STARD9: variants seen among roughly 807,000 people sequenced by gnomAD.
STARD9 encodes the protein stAR-related lipid transfer protein 9.
In STARD9, 346 loss-of-function variants were observed where a neutral mutation model predicts 399.8. The observed-to-expected ratio is 0.87, with a 90% CI of 0.79 to 0.95. STARD9 has a LOEUF of 0.95. Among genes scored for constraint, STARD9 ranks in the 40% least tolerant of loss-of-function variants. The pLI is 0.00. For synonymous variants in STARD9, 2,203 were observed against 2,143.5 expected (o/e 1.03, Z -0.77); for missense variants, 5,832 against 5,667.5 (o/e 1.03, Z -0.93).
chr15:42,692,512 T>G lies in STARD9; in HGVS notation c.10934T>G (p.Leu3645Arg). The change falls in exon 23 of 33, where the codon CTC (leucine) becomes CGC (arginine). Residue 3645 changes from leucine (L) to arginine (R), a missense_variant. Physicochemically the swap from Leu to Arg is moderately radical, Grantham distance 102. Coordinates refer to ENST00000290607, the MANE Select transcript of STARD9 (RefSeq NM_020759.3). ...ACATTCGAACAGGGCACACAGACCC[T>G]CGGCAGCAGGCGCCACTGGAGCAGC... ...TNTFEQGTQT[L>R]GSRRHWSSTD... 6.5e-7 allele frequency: 1 copy of G among 1,537,112 alleles called. No individual in the cohort carries two copies. The highest frequency in any genetic ancestry group is 1.2e-5 in the South Asian group (1 of 84,058).
In STARD9 at chr15:42,686,455, A is replaced by G. The variant is rs1440077908; in HGVS notation, c.4877A>G (p.Gln1626Arg). ...DSMTEACEVK[Q>R]NNLEECLQSC... ...ATGACAGAAGCATGTGAAGTCAAGC[A>G]GAACAACTTGGAAGAATGCCTTCAG... The change falls in exon 23 of 33, where the codon CAG (glutamine) becomes CGG (arginine). Residue 1626 changes from glutamine (Q) to arginine (R), a missense_variant. Around this residue, in one of 2 missense-constraint regions of STARD9, gnomAD observed 5,828 missense variants for 5,651.1 expected, o/e 1.03. Transcript: ENST00000290607. The G allele has an allele frequency of 1.3e-6, 2 of 1,537,748 alleles. No homozygotes were observed. Among genetic ancestry groups the G allele is most frequent in the Non-Finnish European group, 8.7e-7 (1 of 1,147,060 alleles).
chr15:42,694,760 T>A, intron 24 of STARD9, 35 bp downstream of exon 24: 2 of 1,523,384 alleles, frequency 1.3e-6, no homozygotes, highest in South Asian at 2.4e-5. Flanking sequence ...GGGAGCAGGC[T>A]CTGTTGGGGG....
rs2141661072 is a variant in STARD9 at position 42,583,335 on chromosome 15, C to G, written c.48-11C>G. ...AACAACATTTCTTCTGAGCTTGGGT[C>G]TTGTTTCTAGGGAGACCAAAGAAGG... On this transcript the variant is annotated splice_polypyrimidine_tract_variant and intron_variant, in intron 1 of 32. Coordinates refer to ENST00000290607, the MANE Select transcript of STARD9 (RefSeq NM_020759.3). 6.5e-7 allele frequency: 1 copy of G among 1,532,232 alleles called. No homozygotes were observed. The highest frequency in any genetic ancestry group is 2.4e-5 in the East Asian group (1 of 40,884). The allele number at this position is 1,532,232 out of a possible 1,614,324, so 94.9% of individuals were successfully genotyped here. A position where few individuals can be genotyped will look rare whatever the true frequency, so the allele number is the denominator to read the frequency against.
rs2060024824 is a variant in STARD9 at position 42,663,286 on chromosome 15, A to G, written c.874A>G (p.Asn292Asp). The stretch of plus-strand genomic sequence containing the variant: ...TTCTTTTTTCATCTTTTAAGCCCAG[A>G]ACTCCCAAGTTTTCAGCAGCTGCCA... Reference protein sequence around the residue: ...LGIVISTLAQNSQVFSSCQSL... With the variant: ...LGIVISTLAQDSQVFSSCQSL... Residue 292 changes from asparagine (N) to aspartate (D), a missense_variant, in exon 12 of 33, where the codon AAC becomes GAC. Physicochemically the swap from Asn to Asp is conservative, Grantham distance 23. Transcript: ENST00000290607. 3 of 1,530,982 alleles carry G rather than the reference A, an allele frequency of 2.0e-6. No homozygotes were observed. The Admixed American group carries it at 5.9e-5, about 30-fold the overall frequency. 94.8% of individuals were successfully genotyped at this position (1,530,982 alleles called of 1,614,324 possible). A position where few individuals can be genotyped will look rare whatever the true frequency, so the allele number is the denominator to read the frequency against.
chr15:42,693,627 C>T lies in STARD9; in HGVS notation c.12049C>T (p.Pro4017Ser). 6.5e-7 allele frequency: 1 copy of T among 1,537,256 alleles called. No individual in the cohort carries two copies. Among genetic ancestry groups the T allele is most frequent in the Non-Finnish European group, 8.7e-7 (1 of 1,146,910 alleles). The stretch of plus-strand genomic sequence containing the variant: ...TATCGGGGTCCAAAGCAGACTGCTG[C>T]CACCACCACTGAGGCACAGGAGCCA... ...TTIGVQSRLL[P>S]PPLRHRSQRL... The change falls in exon 23 of 33, where the codon CCA becomes TCA. Residue 4017 changes from proline (P) to serine (S), a missense_variant. This residue lies in a region of STARD9 where 5,828 missense variants were observed against 5,651.1 expected (regional missense o/e 1.03). Coordinates refer to ENST00000290607, the MANE Select transcript of STARD9 (RefSeq NM_020759.3).
chr15:42,719,370 C>A, intron 32 of STARD9, 103 bp from the exon 33 acceptor site: 1 of 718,760 alleles, frequency 1.4e-6, no homozygotes, highest in Non-Finnish European at 2.3e-6. Context: ...ATCTGAGGTG[C>A]TTCTCCCATC....
Position 42,689,026 on chromosome 15 carries a change from C to T in STARD9, c.7448C>T (p.Ser2483Phe). ...AGAGTCAGTTCACTGAACAAGGTCT[C>T]TAGCCAGCCTGAAAAGAGGGTCAGC... ...EIRVSSLNKV[S>F]SQPEKRVSFS... The change falls in exon 23 of 33, where the codon TCT becomes TTT. Residue 2483 changes from serine (S) to phenylalanine (F), a missense_variant. Physicochemically the swap from Ser to Phe is radical, Grantham distance 155. Transcript: ENST00000290607. 2 of 1,537,322 alleles carry T rather than the reference C, an allele frequency of 1.3e-6. No homozygotes were observed. The highest frequency in any genetic ancestry group is 2.4e-5 in the South Asian group (2 of 84,056).
rs1373705516 is a variant in STARD9 at position 42,687,847 on chromosome 15, A to C, written c.6269A>C (p.Lys2090Thr). ...TDKELVFQDQ[K>T]EQEKTDHAFR... ...AAGGAGTTGGTGTTCCAGGACCAGA[A>C]GGAGCAGGAGAAGACTGACCATGCC... Residue 2090 changes from lysine to threonine, a missense_variant, in exon 23 of 33, where the codon AAG becomes ACG. Physicochemically the swap from Lys to Thr is moderately conservative, Grantham distance 78. Transcript: ENST00000290607. 1 of 1,537,342 alleles carries C rather than the reference A, an allele frequency of 6.5e-7. No individual in the cohort carries two copies. The highest frequency in any genetic ancestry group is 2.4e-5 in the East Asian group (1 of 40,916).
At chr15:42,636,308 T>G (rs1337885681) in intron 4 of STARD9, among the ~76,000 whole-genome samples, 1 of 151,350 alleles carries the variant, frequency 6.6e-6, no homozygotes, top group Non-Finnish European at 1.5e-5. Flanking sequence ...CTCAGCTGGG[T>G]GGGGTGGCTC....
chr15:42,684,168 A>C lies in STARD9; in HGVS notation c.2590A>C (p.Thr864Pro). 2 of 1,537,172 alleles carry C rather than the reference A, an allele frequency of 1.3e-6. No homozygotes were observed. The highest frequency in any genetic ancestry group is 1.7e-6 in the Non-Finnish European group (2 of 1,146,834). Residue 864 changes from threonine to proline, a missense_variant, in exon 23 of 33, where the codon ACA (threonine) becomes CCA (proline). Physicochemically the swap from Thr to Pro is conservative, Grantham distance 38 (BLOSUM62 -1). Around this residue, in one of 2 missense-constraint regions of STARD9, gnomAD observed 5,828 missense variants for 5,651.1 expected, o/e 1.03. Transcript: ENST00000290607. ...CACATTGCCACCTAGGCCTGACCCT[A>C]CACACCAAACATCAGAGAAAACATC... Reference protein sequence around the residue: ...STTLPPRPDPTHQTSEKTSSE... With the variant: ...STTLPPRPDPPHQTSEKTSSE...
intron 10 of STARD9, among the ~76,000 whole-genome samples, chr15:42,661,542 T>G (rs1323324954): frequency 1.3e-5 from 2 of 152,090 alleles, no homozygotes; most frequent in African/African-American, 4.8e-5. Context: ...ACTACTGGGC[T>G]CAAGTGACCC....
intron 3 of STARD9, among the ~76,000 whole-genome samples, chr15:42,627,633 ACT>A (rs1398394953): frequency 2.6e-5 from 4 of 151,432 alleles, no homozygotes; most frequent in African/African-American, 9.7e-5. Flanking sequence ...CCATCATTCT[ACT>A]CTCTGTTTTC....
chr15:42,659,761 T>A (rs1337345198), intron 9 of STARD9, among the ~76,000 whole-genome samples: 1 of 152,144 alleles, frequency 6.6e-6, no homozygotes, highest in Non-Finnish European at 1.5e-5. Flanking sequence ...CCTGACCTCA[T>A]GATCCACCTG....
At chr15:42,719,242 C>G (rs543169807) in intron 32 of STARD9, among the ~76,000 whole-genome samples, 3 of 152,276 alleles carry the variant, frequency 2.0e-5, no homozygotes, top group African/African-American at 7.2e-5. Flanking sequence ...GGAATGATGA[C>G]CTGTTGGGTT....
At chr15:42,644,178 G>A (rs939037577) in intron 7 of STARD9, among the ~76,000 whole-genome samples, 1 of 152,166 alleles carries the variant, frequency 6.6e-6, no homozygotes, top group Non-Finnish European at 1.5e-5. Flanking sequence ...TATTAAGTAC[G>A]AAGTAGCATT....
intron 4 of STARD9, among the ~76,000 whole-genome samples, chr15:42,637,606 T>C (rs751640239): frequency 6.6e-6 from 1 of 152,234 alleles, no homozygotes; most frequent in Admixed American, 6.5e-5. Flanking sequence ...AGTGTTTTTA[T>C]CCAAGAATAA....
rs2060755691 is a variant in STARD9, at chr15:42,693,185, C to G, written c.11607C>G (p.Leu3869=). 1 of 1,537,144 alleles carries G rather than the reference C, an allele frequency of 6.5e-7. No individual in the cohort carries two copies. The highest frequency in any genetic ancestry group is 2.4e-5 in the East Asian group (1 of 40,906). Residue 3869 remains leucine, a synonymous_variant, in exon 23 of 33, where the codon CTC becomes CTG. Transcript: ENST00000290607. The part of the protein sequence containing the change: ...PSPSSPHSPG[L]FPSTSEYPGD... ...CCAGCTCCCCTCATTCCCCAGGGCT[C>G]TTTCCCAGTACTTCCGAGTATCCTG...
intron 3 of STARD9, among the ~76,000 whole-genome samples, chr15:42,593,746 C>T (rs567296669): frequency 1.5e-5 from 2 of 136,908 alleles, no homozygotes; most frequent in African/African-American, 2.7e-5. Flanking sequence ...TCACTGCAAG[C>T]TCTGCCTCCC....
chr15:42,698,574 G>C (rs1428236055), intron 26 of STARD9, among the ~76,000 whole-genome samples: 1 of 152,118 alleles, frequency 6.6e-6, no homozygotes, highest in Non-Finnish European at 1.5e-5. Context: ...ATACGAACTA[G>C]AAATATTTTT....
Sources: gnomAD v4.1 joint callset for allele counts (sites outside exome capture counted in the v4.1 genomes callset) on GRCh38, gnomAD v4.1.1 for gene constraint, gnomAD v4.1.1 regional missense constraint, MANE v1.5 for transcripts, NCBI Gene and HGNC (gene_info 2026-07-23, HGNC 2026-07-21) for gene names.